PCDHGA3: variants seen among roughly 807,000 people sequenced by gnomAD.
The protein encoded by PCDHGA3 is protocadherin gamma subfamily A, 3.
In PCDHGA3, 40 loss-of-function variants were observed where a neutral mutation model predicts 58.5. The ratio of observed to expected loss-of-function variants is 0.68; its 90% CI spans 0.53 to 0.89. The LOEUF is 0.89. Among genes scored for constraint, PCDHGA3 ranks in the 40% least tolerant of loss-of-function variants. The pLI, the probability that PCDHGA3 is intolerant of heterozygous loss-of-function variation, is 0.00. For missense variants in PCDHGA3, 1,223 were observed against 1,195.9 expected, an observed-to-expected ratio of 1.02 and a Z score of -0.33; for synonymous variants, 530 against 525.7, an observed-to-expected ratio of 1.01 and a Z score of -0.11.
chr5:141,415,920 G>T, intron 1 of PCDHGA3: 1 of 692,798 alleles, frequency 1.4e-6, no homozygotes, highest in Non-Finnish European at 2.0e-6. Context: ...AGAAGTGCCT[G>T]TCAATTTATA....
intron 1 of PCDHGA3, chr5:141,382,797 G>A: frequency 5.0e-6 from 5 of 999,472 alleles, no homozygotes; most frequent in Non-Finnish European, 5.9e-6. Context: ...TATCCTGCTG[G>A]ATTCTGAGCT....
chr5:141,350,534 AT>A (rs1439134548), intron 1 of PCDHGA3: 2 of 1,613,894 alleles, frequency 1.2e-6, no homozygotes, highest in Admixed American at 1.7e-5. Context: ...TCGAGAGAAG[AT>A]TTGCGGAAGG....
At chr5:141,398,936 AC>A in intron 1 of PCDHGA3, 1 of 1,613,962 alleles carries the variant, frequency 6.2e-7, no homozygotes, top group East Asian at 2.2e-5. Context: ...ACTGACCAAG[AC>A]GAGGGCATCA....
At chr5:141,422,696 ACT>A in intron 1 of PCDHGA3, 1 of 1,602,756 alleles carries the variant, frequency 6.2e-7, no homozygotes, top group Non-Finnish European at 8.5e-7. Flanking sequence ...CTGGTCACTT[ACT>A]CTCTGACGGA....
chr5:141,426,790 A>T, intron 1 of PCDHGA3: 1 of 456,732 alleles, frequency 2.2e-6, no homozygotes, highest in Middle Eastern at 3.3e-4. Flanking sequence ...CTCCAGAGTT[A>T]CCAGCTCAGT....
intron 1 of PCDHGA3, chr5:141,478,008 C>T: frequency 6.2e-7 from 1 of 1,614,124 alleles, no homozygotes; most frequent in Non-Finnish European, 8.5e-7. Flanking sequence ...ATCAGTACTG[C>T]CCGTCCAGTC....
At chr5:141,383,956 A>T in intron 1 of PCDHGA3, 2 of 1,613,670 alleles carry the variant, frequency 1.2e-6, no homozygotes, top group South Asian at 1.1e-5. Flanking sequence ...GACGTCTTTA[A>T]GTAGCTCAAT....
intron 1 of PCDHGA3, among the ~76,000 whole-genome samples, chr5:141,488,417 C>T (rs2099675171): frequency 6.6e-6 from 1 of 152,224 alleles, no homozygotes; most frequent in Non-Finnish European, 1.5e-5. Context: ...GCCAAGCCAT[C>T]CATGCTTGGC....
intron 1 of PCDHGA3, among the ~76,000 whole-genome samples, chr5:141,459,949 G>T (rs1284876601): frequency 2.0e-5 from 3 of 152,124 alleles, no homozygotes; most frequent in Non-Finnish European, 4.4e-5. Context: ...GTGATGGCAG[G>T]TGCCTGTAAT....
intron 1 of PCDHGA3, among the ~76,000 whole-genome samples, chr5:141,444,256 C>T (rs1445343718): frequency 2.1e-5 from 3 of 146,298 alleles, no homozygotes; most frequent in African/African-American, 5.1e-5. Context: ...ACTGCAACCT[C>T]CGCCTCCCAG....
chr5:141,389,249 T>A, intron 1 of PCDHGA3: 1 of 1,614,064 alleles, frequency 6.2e-7, no homozygotes, highest in Non-Finnish European at 8.5e-7. Flanking sequence ...AGTCTTCCTA[T>A]ATAGTCCACG....
rs766746841 is a variant in PCDHGA3 at position 141,374,327 on chromosome 5, G to A, written c.2424+27870G>A. 1.2e-5 allele frequency: 20 copies of A among 1,613,866 alleles called. No individual in the cohort carries two copies. In the East Asian group the frequency reaches 4.0e-4, roughly 32 times the overall value. ...GCTTTTCTCTCTGAATCCGCGAAAC[G>A]GCAGCTTGGTCACCGCGGGTAGGAT... is the stretch of plus-strand genomic sequence containing the variant. On this transcript the variant is annotated intron_variant, in intron 1 of 3. Coordinates refer to ENST00000253812, the MANE Select transcript of PCDHGA3 (RefSeq NM_018916.4).
In PCDHGA3 at chr5:141,374,991, C is replaced by T. The variant is rs1470236717; in HGVS notation, c.2424+28534C>T. 4 of 1,614,036 alleles carry T rather than the reference C, an allele frequency of 2.5e-6. No individual in the cohort carries two copies. The Admixed American group carries it at 5.0e-5, about 20-fold the overall frequency. ...AATGTTTTGACTGGAGAAATTTCAACTTCTGCAAATCTAGACTATGAGGAC... is the reference window on the plus strand; with the variant it reads ...AATGTTTTGACTGGAGAAATTTCAATTTCTGCAAATCTAGACTATGAGGAC... On this transcript the variant is annotated intron_variant, in intron 1 of 3. Transcript: ENST00000253812.
intron 1 of PCDHGA3, chr5:141,421,632 G>A (rs2096589368): frequency 6.2e-7 from 1 of 1,613,846 alleles, no homozygotes; most frequent in South Asian, 1.1e-5. Context: ...CCAGCTTCCA[G>A]GAGGACGAAG....
At chr5:141,478,142 G>C in intron 1 of PCDHGA3, 1 of 1,613,988 alleles carries the variant, frequency 6.2e-7, no homozygotes, top group South Asian at 1.1e-5. Flanking sequence ...AGCCCGAGCC[G>C]AGTTCCCCTC....
chr5:141,399,131 A>T, intron 1 of PCDHGA3: 1 of 1,613,856 alleles, frequency 6.2e-7, no homozygotes, highest in African/African-American at 1.3e-5. Context: ...AATATTCAAG[A>T]TGAAAATGAC....
chr5:141,364,841 C>A, intron 1 of PCDHGA3: 1 of 1,613,988 alleles, frequency 6.2e-7, no homozygotes, highest in Non-Finnish European at 8.5e-7. Flanking sequence ...CCGGAGTTAC[C>A]AGCTCAGCTC....
chr5:141,349,113 C>G (rs1195876459), intron 1 of PCDHGA3, among the ~76,000 whole-genome samples: 3 of 152,192 alleles, frequency 2.0e-5, no homozygotes, highest in Non-Finnish European at 4.4e-5. Context: ...CTCTGTCACC[C>G]AGGATGGACT....
At chr5:141,372,748 C>T (rs771861396) in intron 1 of PCDHGA3, 2 of 1,613,132 alleles carry the variant, frequency 1.2e-6, no homozygotes, top group East Asian at 2.2e-5. Context: ...TGTGATGAAG[C>T]CTCTTGGTTT....
Sources: gnomAD v4.1 joint callset for allele counts (sites outside exome capture counted in the v4.1 genomes callset) on GRCh38, gnomAD v4.1.1 for gene constraint, MANE v1.5 for transcripts, NCBI Gene and HGNC (gene_info 2026-07-23, HGNC 2026-07-21) for gene names.